The following TNS3 variants were observed in gnomAD, a reference collection of about 807,000 sequenced individuals.
TNS3 encodes tensin-3.
A neutral mutation model predicts 140.9 loss-of-function variants in TNS3; 45 were observed. The ratio of observed to expected loss-of-function variants is 0.32; its 90% CI spans 0.25 to 0.41. The LOEUF is 0.41. Ranked by LOEUF, TNS3 falls within the 10% of genes least tolerant of loss-of-function variation. The pLI, the probability that TNS3 is intolerant of heterozygous loss-of-function variation, is 1.00. For missense variants in TNS3, 1,716 were observed against 1,906.7 expected (o/e 0.90, Z 1.86); for synonymous variants, 815 against 788.4 (o/e 1.03, Z -0.56).
At chr7:47,322,889 C>A (rs924182423) in intron 20 of TNS3, among the ~76,000 whole-genome samples, 2 of 152,204 alleles carry the variant, frequency 1.3e-5, no homozygotes, top group African/African-American at 4.8e-5. Flanking sequence ...CTATCTGGCA[C>A]ATGGCCAGTA....
In TNS3 at chr7:47,368,861, C is replaced by T. The variant is rs771546135; in HGVS notation, c.1785G>A (p.Met595Ile). 1.2e-6 allele frequency: 2 copies of T among 1,613,752 alleles called. No homozygotes were observed. Among genetic ancestry groups the T allele is most frequent in the South Asian group, 1.1e-5 (1 of 91,046 alleles). Residue 595 changes from methionine to isoleucine, a missense_variant, in exon 17 of 31, where the codon ATG becomes ATA. Physicochemically the swap from Met to Ile is conservative, Grantham distance 10. This residue lies in a region of TNS3 where 1,163 missense variants were observed against 1,182.1 expected (regional missense o/e 0.98). Coordinates refer to ENST00000311160, the MANE Select transcript of TNS3 (RefSeq NM_022748.12). Reference sequence around the variant, plus strand: ...CGAAGCTATACTGGTGAGCTACAACCATCTGCTGCTGGCGCACCCAGGTCT... The same window carrying T: ...CGAAGCTATACTGGTGAGCTACAACTATCTGCTGCTGGCGCACCCAGGTCT... ...STQTWVRQQQ[M>I]VVAHQYSFAP...
intron 20 of TNS3, among the ~76,000 whole-genome samples, chr7:47,312,263 A>G (rs574243438): frequency 3.3e-5 from 5 of 152,316 alleles, no homozygotes; most frequent in African/African-American, 1.2e-4. Context: ...TGTTTGCTGA[A>G]TTTATTATTT....
Position 47,275,699 on chromosome 7 carries a change from A to G in TNS3, c.*2377T>C, listed in dbSNP as rs1784842611. The G allele has an allele frequency of 2.3e-6, 1 of 428,538 alleles. No homozygotes were observed. Among genetic ancestry groups the G allele is most frequent in the Admixed American group, 2.6e-5 (1 of 38,572 alleles). The allele number at this position is 428,538 out of a possible 1,614,324, so 26.5% of individuals were successfully genotyped here. On this transcript the variant is annotated 3_prime_UTR_variant, in exon 31 of 31. Coordinates refer to ENST00000311160, the MANE Select transcript of TNS3 (RefSeq NM_022748.12). The stretch of plus-strand genomic sequence containing the variant: ...TACCAGCTCTTCAGAAATCGTGGAA[A>G]CTTGCTTCCTTTGGTTCCTCAGAGG...
Position 47,276,015 on chromosome 7 carries a change from G to A in TNS3, c.*2061C>T, listed in dbSNP as rs1784855694. The A allele has an allele frequency of 5.4e-6, 2 of 367,388 alleles. No homozygotes were observed. The highest frequency in any genetic ancestry group is 6.9e-5 in the Admixed American group (2 of 28,982). 22.8% of individuals were successfully genotyped at this position (367,388 alleles called of 1,614,324 possible). A position where few individuals can be genotyped will look rare whatever the true frequency, so the allele number is the denominator to read the frequency against. ...GCACTCTTTGGGTTAAACATGGGTAGAGACCGTCTCAGGATGAGGACCTCT... is the reference window on the plus strand; with the variant it reads ...GCACTCTTTGGGTTAAACATGGGTAAAGACCGTCTCAGGATGAGGACCTCT... On this transcript the variant is annotated 3_prime_UTR_variant, in exon 31 of 31. Coordinates refer to ENST00000311160, the MANE Select transcript of TNS3 (RefSeq NM_022748.12).
At chr7:47,371,208 A>C (rs1562651724) in intron 16 of TNS3, among the ~76,000 whole-genome samples, 1 of 152,220 alleles carries the variant, frequency 6.6e-6, no homozygotes, top group East Asian at 1.9e-4. Flanking sequence ...AGGCAGGGAA[A>C]GTGATGACAG....
intron 17 of TNS3, among the ~76,000 whole-genome samples, chr7:47,359,540 T>C (rs1790200103): frequency 6.6e-6 from 1 of 152,250 alleles, no homozygotes; most frequent in Non-Finnish European, 1.5e-5. Context: ...ATTAAAATGC[T>C]AAATTTTATG....
chr7:47,546,860 G>A (rs1458847165), intron 1 of TNS3, among the ~76,000 whole-genome samples: 3 of 152,156 alleles, frequency 2.0e-5, no homozygotes, highest in Non-Finnish European at 4.4e-5. Context: ...GCACCCGCCT[G>A]GTAAGACACG....
intron 3 of TNS3, among the ~76,000 whole-genome samples, chr7:47,497,054 TC>T (rs10713565): frequency 0.48 from 73,116 of 152,028 alleles, 19,683 homozygotes; most frequent in African/African-American, 0.74. Flanking sequence ...CAGGTGGGCC[TC>T]AGGCTAAGTC....
intron 25 of TNS3, 119 bp downstream of exon 25, chr7:47,293,614 G>A: frequency 2.5e-6 from 2 of 812,232 alleles, no homozygotes; most frequent in Non-Finnish European, 4.1e-6. Context: ...TCAGAACTGG[G>A]GACTGAAATA....
intron 20 of TNS3, among the ~76,000 whole-genome samples, chr7:47,333,111 T>G (rs1469731785): frequency 1.3e-5 from 2 of 152,190 alleles, no homozygotes; most frequent in African/African-American, 4.8e-5. Flanking sequence ...AACACCTTTT[T>G]TTTTTTTAGC....
At position 47,364,309 on chromosome 7, in the gene TNS3, G is replaced by A. The variant is rs144471488; in HGVS notation, c.2281+4056C>T. On this transcript the variant is annotated intron_variant, in intron 17 of 30. Transcript: ENST00000311160. ...TTTTTTTTTTTTTTTTTGGGCCAGA[G>A]TGCTTGCTCTGTCACCCAGGCTGGA... Among the ~76,000 whole-genome samples the A allele has an allele frequency of 1.0e-3, 146 of 139,490 alleles. 2 individuals carry two copies. The highest frequency in any genetic ancestry group is 3.6e-3 in the African/African-American group (132 of 36,680). The allele number at this position is 139,490 out of a possible 152,430, so 91.5% of individuals were successfully genotyped here. A position where few individuals can be genotyped will look rare whatever the true frequency, so the allele number is the denominator to read the frequency against.
rs576353998 is a variant in TNS3 at position 47,320,464 on chromosome 7, G to A, written c.2651-15461C>T. On this transcript the variant is annotated intron_variant, in intron 20 of 30. Transcript: ENST00000311160. ...CTATAAAAAATACCACACAGTGACT[G>A]AACCAACAGAAATGTATCCCCTCCC... Among the ~76,000 whole-genome samples the A allele has an allele frequency of 5.9e-5, 9 of 152,338 alleles. No individual in the cohort carries two copies. In the East Asian group the frequency reaches 1.7e-3, roughly 29 times the overall value.
intron 3 of TNS3, among the ~76,000 whole-genome samples, chr7:47,485,261 C>T (rs527955467): frequency 4.6e-5 from 7 of 152,208 alleles, no homozygotes; most frequent in Non-Finnish European, 1.0e-4. Flanking sequence ...GGGAGGCCCA[C>T]GGCTCATCCA....
rs532601315 is a variant in TNS3 at position 47,512,572 on chromosome 7, T to C, written c.-152-5628A>G. Among the ~76,000 whole-genome samples, 50 of 152,340 alleles carry C rather than the reference T, an allele frequency of 3.3e-4. 1 individual carries two copies. The highest frequency in any genetic ancestry group is 2.1e-4 in the South Asian group (1 of 4,830). On this transcript the variant is annotated intron_variant, in intron 2 of 30. Transcript: ENST00000311160. ...TTACAAAAGGCAAGGCTAACAGATA[T>C]ACAGCACTCTGTGTTGTATGAAATA...
chr7:47,289,860 C>A (rs369881059), intron 27 of TNS3, among the ~76,000 whole-genome samples: 2 of 152,164 alleles, frequency 1.3e-5, no homozygotes, highest in South Asian at 4.1e-4. Flanking sequence ...ATAAAAATCC[C>A]AGCAACTTAT....
At chr7:47,341,338 T>C (rs1307890541) in intron 20 of TNS3, among the ~76,000 whole-genome samples, 1 of 152,218 alleles carries the variant, frequency 6.6e-6, no homozygotes, top group Non-Finnish European at 1.5e-5. Context: ...TTTACATGTT[T>C]GGTAGAATTA....
Position 47,564,775 on chromosome 7 carries a change from A to G in TNS3, c.-265+17276T>C, listed in dbSNP as rs546552590. Among the ~76,000 whole-genome samples, 14 of 152,042 alleles carry G rather than the reference A, an allele frequency of 9.2e-5. No individual in the cohort carries two copies. The East Asian group carries it at 2.7e-3, about 29-fold the overall frequency. On this transcript the variant is annotated intron_variant, in intron 1 of 30. Transcript: ENST00000311160. ...CCCTGTTGGTTCTGCTTCCCTGGAC[A>G]ACCTGACTGATTAATATCACTAAGC...
intron 15 of TNS3, among the ~76,000 whole-genome samples, chr7:47,397,638 G>T (rs1792913070): frequency 6.6e-6 from 1 of 152,174 alleles, no homozygotes; most frequent in Non-Finnish European, 1.5e-5. Flanking sequence ...TGAAATGAAT[G>T]ATAATAGTGA....
chr7:47,523,472 C>A (rs1799064051), intron 2 of TNS3, among the ~76,000 whole-genome samples: 1 of 152,262 alleles, frequency 6.6e-6, no homozygotes, highest in Admixed American at 6.5e-5. Flanking sequence ...ACAACACTCA[C>A]CACATGCTAA....
Sources: allele counts gnomAD v4.1 joint callset (sites outside exome capture counted in the v4.1 genomes callset), GRCh38; gene constraint gnomAD v4.1.1; regional missense constraint gnomAD v4.1.1; transcripts MANE v1.5; gene names NCBI Gene and HGNC (gene_info 2026-07-23, HGNC 2026-07-21).